The following RAB3GAP1 variants were observed in gnomAD, a reference collection of about 807,000 sequenced individuals.
RAB3GAP1 encodes rab3 GTPase-activating protein catalytic subunit.
A neutral mutation model predicts 130.7 loss-of-function variants in RAB3GAP1; 86 were observed. The observed-to-expected ratio is 0.66, with a 90% confidence interval of 0.55 to 0.79. The LOEUF (loss-of-function observed/expected upper bound fraction) is 0.79, where lower values mean the gene tolerates loss of function less well. Among genes scored for constraint, RAB3GAP1 ranks in the 30% least tolerant of loss-of-function variants. The pLI is 0.00. For synonymous variants in RAB3GAP1, 367 were observed against 401.7 expected, an observed-to-expected ratio of 0.91 and a Z score of 1.03; for missense variants, 1,029 against 1,169.4, an observed-to-expected ratio of 0.88 and a Z score of 1.75.
chr2:135,081,357 TATATAC>T lies in RAB3GAP1; in HGVS notation c.151-9639_151-9634del, dbSNP rs1262424496. 2.0e-4 allele frequency among the ~76,000 whole-genome samples: 17 copies of T among 85,640 alleles called. No individual in the cohort carries two copies. The East Asian group carries it at 4.9e-3, about 25-fold the overall frequency. 56.2% of individuals were successfully genotyped at this position (85,640 alleles called of 152,430 possible). A position where few individuals can be genotyped will look rare whatever the true frequency, so the allele number is the denominator to read the frequency against. On this transcript the variant is annotated intron_variant, in intron 3 of 23. Coordinates refer to ENST00000264158, the MANE Select transcript of RAB3GAP1 (RefSeq NM_012233.3). ...ATATATATATATATATATATATATA[TATATAC>T]ACACACGTGTGTGTGTGTATATATA...
intron 5 of RAB3GAP1, among the ~76,000 whole-genome samples, chr2:135,106,033 C>T (rs1375314826): frequency 4.0e-5 from 6 of 151,626 alleles, no homozygotes; most frequent in East Asian, 3.9e-4. Flanking sequence ...CCCCTCCGCC[C>T]GGCAGCCGCC....
At position 135,170,488 on chromosome 2, in the gene RAB3GAP1, C is replaced by T. The variant is rs1210615473; in HGVS notation, c.*1707C>T. 1 of 152,126 alleles carries T rather than the reference C, an allele frequency of 6.6e-6. No homozygotes were observed. Among genetic ancestry groups the T allele is most frequent in the Non-Finnish European group, 1.5e-5 (1 of 68,042 alleles). 9.4% of individuals were successfully genotyped at this position (152,126 alleles called of 1,614,324 possible). A position where few individuals can be genotyped will look rare whatever the true frequency, so the allele number is the denominator to read the frequency against. ...TTTATTTCACAGATATATTTAAGTA[C>T]CCACTTTGTGTCAGGTACAGTACAA... is the stretch of plus-strand genomic sequence containing the variant. On this transcript the variant is annotated 3_prime_UTR_variant, in exon 24 of 24. Transcript: ENST00000264158.
chr2:135,169,864 G>A lies in RAB3GAP1; in HGVS notation c.*1083G>A. ...CCTCTGCTTGGTAATCTTATTTTTAGGCCTAAAATTCCCACTTAAATCCAA... is the reference window on the plus strand; with the variant it reads ...CCTCTGCTTGGTAATCTTATTTTTAAGCCTAAAATTCCCACTTAAATCCAA... On this transcript the variant is annotated 3_prime_UTR_variant, in exon 24 of 24. Transcript: ENST00000264158. 2.5e-6 allele frequency: 1 copy of A among 399,182 alleles called. No individual in the cohort carries two copies. The highest frequency in any genetic ancestry group is 5.0e-6 in the Non-Finnish European group (1 of 198,234). The allele number at this position is 399,182 out of a possible 1,614,324, so 24.7% of individuals were successfully genotyped here. A position where few individuals can be genotyped will look rare whatever the true frequency, so the allele number is the denominator to read the frequency against.
chr2:135,076,204 G>A (rs186113253), intron 3 of RAB3GAP1, among the ~76,000 whole-genome samples: 25 of 152,172 alleles, frequency 1.6e-4, no homozygotes, highest in African/African-American at 5.3e-4. Context: ...CACCGTGCCC[G>A]GCCTTCTGTA....
chr2:135,081,478 A>G (rs1158578769), intron 3 of RAB3GAP1, among the ~76,000 whole-genome samples: 1 of 149,550 alleles, frequency 6.7e-6, no homozygotes, highest in Non-Finnish European at 1.5e-5. Flanking sequence ...TGGTGAGAGG[A>G]AAGTCAGCCT....
chr2:135,137,652 G>GA (rs578048966), intron 17 of RAB3GAP1, among the ~76,000 whole-genome samples: 16 of 152,034 alleles, frequency 1.1e-4, no homozygotes, highest in South Asian at 1.0e-3. Context: ...TAAAGAAAAA[G>GA]AAAAAATCCA....
At chr2:135,159,120 TA>T (rs1044865861) in intron 19 of RAB3GAP1, among the ~76,000 whole-genome samples, 4 of 152,170 alleles carry the variant, frequency 2.6e-5, no homozygotes, top group Admixed American at 2.6e-4. Context: ...CATACTGGTA[TA>T]AATAATTGAT....
At chr2:135,131,215 T>A (rs995387466) in intron 13 of RAB3GAP1, among the ~76,000 whole-genome samples, 14 of 152,336 alleles carry the variant, frequency 9.2e-5, no homozygotes, top group African/African-American at 2.4e-4. Context: ...AGAATTTTTT[T>A]ATTTTTTATT....
rs1175250342 is a variant in RAB3GAP1 at position 135,169,603 on chromosome 2, T to C, written c.*822T>C. On this transcript the variant is annotated 3_prime_UTR_variant, in exon 24 of 24. Transcript: ENST00000264158. ...TGGCTGGGTACTGTATTTAATGAAG[T>C]AGAGAATAGCACTTGCAAAAATACA... 2 of 328,910 alleles carry C rather than the reference T, an allele frequency of 6.1e-6. No individual in the cohort carries two copies. The highest frequency in any genetic ancestry group is 1.2e-5 in the Non-Finnish European group (2 of 161,644). 20.4% of individuals were successfully genotyped at this position (328,910 alleles called of 1,614,324 possible).
At chr2:135,105,653 C>T (rs1451417567) in intron 5 of RAB3GAP1, among the ~76,000 whole-genome samples, 1 of 152,114 alleles carries the variant, frequency 6.6e-6, no homozygotes, top group African/African-American at 2.4e-5. Flanking sequence ...CCGGCCGCCA[C>T]CCCATCTGGG....
chr2:135,096,288 T>A (rs1327489855), intron 5 of RAB3GAP1, among the ~76,000 whole-genome samples: 1 of 152,226 alleles, frequency 6.6e-6, no homozygotes, highest in Non-Finnish European at 1.5e-5. Flanking sequence ...TTGATTTTTT[T>A]AAATTAAAGA....
intron 2 of RAB3GAP1, among the ~76,000 whole-genome samples, chr2:135,057,602 C>T (rs1689049851): frequency 1.3e-5 from 2 of 152,166 alleles, no homozygotes; most frequent in South Asian, 2.1e-4. Context: ...GAACTCCCAA[C>T]CTCAGGGTTA....
intron 18 of RAB3GAP1, 31 bp downstream of exon 18, chr2:135,150,537 A>G: frequency 1.2e-6 from 2 of 1,613,012 alleles, no homozygotes; most frequent in East Asian, 2.2e-5. Flanking sequence ...TCTGGGGTCT[A>G]TTTTGAGCTA....
chr2:135,120,960 T>C (rs563409598), intron 8 of RAB3GAP1, 42 bp downstream of exon 8: 2 of 1,336,536 alleles, frequency 1.5e-6, no homozygotes, highest in Admixed American at 1.7e-5. Context: ...TGAATATAAA[T>C]GGAAAAGAAG....
At chr2:135,126,795 G>A in intron 11 of RAB3GAP1, 139 bp downstream of exon 11, 1 of 753,788 alleles carries the variant, frequency 1.3e-6, no homozygotes, top group Non-Finnish European at 2.4e-6. Flanking sequence ...CAATAGCAGT[G>A]AATCCTTTTT....
intron 5 of RAB3GAP1, among the ~76,000 whole-genome samples, chr2:135,107,911 G>A (rs1026310956): frequency 6.7e-6 from 1 of 148,158 alleles, no homozygotes; most frequent in African/African-American, 2.5e-5. Context: ...GGAGATGGAG[G>A]TTGCAGTGAG....
intron 3 of RAB3GAP1, chr2:135,058,680 T>C (rs1689087738): frequency 6.6e-6 from 1 of 152,482 alleles, no homozygotes; most frequent in African/African-American, 2.4e-5. Context: ...ATCTAAAGTA[T>C]TGGTAGTTTT....
chr2:135,114,886 A>C (rs1436865789), intron 6 of RAB3GAP1, among the ~76,000 whole-genome samples: 1 of 152,230 alleles, frequency 6.6e-6, no homozygotes, highest in Non-Finnish European at 1.5e-5. Context: ...CCTGTAAGTT[A>C]GGTTTTATTA....
At chr2:135,167,725 G>A in intron 23 of RAB3GAP1, 3 of 1,477,276 alleles carry the variant, frequency 2.0e-6, no homozygotes, top group Non-Finnish European at 2.7e-6. Context: ...TAACAAAATA[G>A]CCTTTGCCCC....
Sources: gnomAD v4.1 joint callset for allele counts (sites outside exome capture counted in the v4.1 genomes callset) on GRCh38, gnomAD v4.1.1 for gene constraint, MANE v1.5 for transcripts, NCBI Gene and HGNC (gene_info 2026-07-23, HGNC 2026-07-21) for gene names.